Variants in GDF6 observed in about 807,000 individuals in gnomAD.
The protein encoded by GDF6 is growth/differentiation factor 6.
A neutral mutation model predicts 32.4 loss-of-function variants in GDF6; 3 were observed. The ratio of observed to expected loss-of-function variants is 0.09; its 90% CI spans 0.04 to 0.24. The LOEUF (loss-of-function observed/expected upper bound fraction) is 0.24. Among genes scored for constraint, GDF6 ranks in the 10% least tolerant of loss-of-function variants. The probability of loss-of-function intolerance (pLI) is 1.00; values close to 1 mark genes in which losing one functional copy is unlikely to be tolerated. For missense variants in GDF6, 589 were observed against 637.9 expected (o/e 0.92, Z 0.83); for synonymous variants, 296 against 295.3 (o/e 1.00, Z -0.03).
chr8:96,155,000 G>C (rs1812635538), intron 1 of GDF6, among the ~76,000 whole-genome samples: 1 of 152,208 alleles, frequency 6.6e-6, no homozygotes, highest in South Asian at 2.1e-4. Flanking sequence ...GAGCTTTCAA[G>C]TCCTGATTCA....
rs368712395 is a variant in GDF6, at chr8:96,160,513, C to T, written c.180G>A (p.Ala60=). 55 of 1,613,034 alleles carry T rather than the reference C, an allele frequency of 3.4e-5. No individual in the cohort carries two copies. The highest frequency in any genetic ancestry group is 4.6e-5 in the Non-Finnish European group (54 of 1,179,592). Residue 60 remains alanine, a synonymous_variant, in exon 1 of 2, where the codon GCG becomes GCA. Transcript: ENST00000287020. ...KMQRAPRDSD[A]GREGQEPQPR... ...GCTGTGGTTCCTGGCCCTCCCGGCC[C>T]GCGTCACTGTCGCGCGGCGCCCGCT...
At position 96,145,502 on chromosome 8, in the gene GDF6, G is replaced by A. The variant is rs375992269; in HGVS notation, c.429C>T (p.Leu143=). ...RGLDDLSHTP[L]RRQKYLFDVS... is the part of the protein sequence containing the mutation. ...CATCAAACAAATACTTCTGTCTCCG[G>A]AGAGGAGTGTGCGAGAGATCGTCTG... The change falls in exon 2 of 2, where the codon CTC becomes CTT. Residue 143 remains leucine (L), a synonymous_variant. Coordinates refer to ENST00000287020, the MANE Select transcript of GDF6 (RefSeq NM_001001557.4). The surrounding 1 kb of genome is among the most constrained non-coding windows in gnomAD (Gnocchi z 5.6). 61 of 1,597,954 alleles carry A rather than the reference G, an allele frequency of 3.8e-5. No individual in the cohort carries two copies. In the African/African-American group the frequency reaches 6.7e-4, roughly 17 times the overall value.
In GDF6 at chr8:96,145,271, G is replaced by A. The variant is rs1157384678; in HGVS notation, c.660C>T (p.Gly220=). 1.2e-5 allele frequency: 19 copies of A among 1,527,472 alleles called. No homozygotes were observed. The highest frequency in any genetic ancestry group is 4.1e-5 in the African/African-American group (3 of 72,466). 94.6% of individuals were successfully genotyped at this position (1,527,472 alleles called of 1,614,324 possible). Reference sequence around the variant, plus strand: ...GCTGCTTCCAGGGCTGGTGGCGCAGGCCCTGCCACACGTCGAAGACTTCCC... The same window carrying A: ...GCTGCTTCCAGGGCTGGTGGCGCAGACCCTGCCACACGTCGAAGACTTCCC... The part of the protein sequence containing the change: ...AGWEVFDVWQ[G]LRHQPWKQLC... Residue 220 remains glycine, a synonymous_variant, in exon 2 of 2, where the codon GGC becomes GGT. Coordinates refer to ENST00000287020, the MANE Select transcript of GDF6 (RefSeq NM_001001557.4). The surrounding 1 kb of genome is among the most constrained non-coding windows in gnomAD (Gnocchi z 5.6).
chr8:96,146,944 C>G (rs973400187), intron 1 of GDF6, among the ~76,000 whole-genome samples: 1 of 152,218 alleles, frequency 6.6e-6, no homozygotes, highest in African/African-American at 2.4e-5. Context: ...GAAGCCAACT[C>G]CACTTCAATG....
intron 1 of GDF6, among the ~76,000 whole-genome samples, chr8:96,150,747 T>G (rs1812554939): frequency 6.6e-6 from 1 of 152,270 alleles, no homozygotes; most frequent in African/African-American, 2.4e-5. Context: ...CCTGCAGCCA[T>G]GCTGCTCTAC....
chr8:96,157,177 A>G (rs2130231624), intron 1 of GDF6, among the ~76,000 whole-genome samples: 1 of 152,262 alleles, frequency 6.6e-6, no homozygotes, highest in East Asian at 1.9e-4. Context: ...GTGTCTGGAG[A>G]GCATACTGAA....
chr8:96,160,501 G>A lies in GDF6; in HGVS notation c.192C>T (p.Gly64=). 1 of 1,612,924 alleles carries A rather than the reference G, an allele frequency of 6.2e-7. No individual in the cohort carries two copies. The highest frequency in any genetic ancestry group is 8.5e-7 in the Non-Finnish European group (1 of 1,179,470). ...APRDSDAGRE[G]QEPQPRPQDE... is the part of the protein sequence containing the mutation. ...CCTGAGGCCGCGGCTGTGGTTCCTG[G>A]CCCTCCCGGCCCGCGTCACTGTCGC... Residue 64 remains glycine (G), a synonymous_variant, in exon 1 of 2, where the codon GGC becomes GGT. Coordinates refer to ENST00000287020, the MANE Select transcript of GDF6 (RefSeq NM_001001557.4).
At chr8:96,156,353 A>C (rs1812660864) in intron 1 of GDF6, among the ~76,000 whole-genome samples, 1 of 149,034 alleles carries the variant, frequency 6.7e-6, no homozygotes, top group African/African-American at 2.5e-5. Flanking sequence ...TGAATCAGTC[A>C]GTCTCTTTCT....
In GDF6 at chr8:96,144,316, T is replaced by C. The variant is rs1419597907; in HGVS notation, c.*247A>G. Reference sequence around the variant, plus strand: ...AAAACAGAACAAAAGAAATCCTCCTTGGCTTGTTTTTCCAGGGTGGCCAGG... The same window carrying C: ...AAAACAGAACAAAAGAAATCCTCCTCGGCTTGTTTTTCCAGGGTGGCCAGG... On this transcript the variant is annotated 3_prime_UTR_variant, in exon 2 of 2. Coordinates refer to ENST00000287020, the MANE Select transcript of GDF6 (RefSeq NM_001001557.4). This position sits in a 1 kb window ranked among gnomAD's most constrained non-coding sequence, Gnocchi z 5.1. The C allele has an allele frequency of 6.5e-6, 3 of 464,312 alleles. No individual in the cohort carries two copies. The highest frequency in any genetic ancestry group is 2.2e-5 in the South Asian group (1 of 45,030). 28.8% of individuals were successfully genotyped at this position (464,312 alleles called of 1,614,324 possible). A position where few individuals can be genotyped will look rare whatever the true frequency, so the allele number is the denominator to read the frequency against.
Position 96,145,001 on chromosome 8 carries a change from C to A in GDF6, c.930G>T (p.Glu310Asp). Residue 310 changes from glutamate to aspartate, a missense_variant, in exon 2 of 2, where the codon GAG (glutamate) becomes GAT (aspartate). Transcript: ENST00000287020. This position sits in a 1 kb window ranked among gnomAD's most constrained non-coding sequence, Gnocchi z 5.6. ...CGCCCGACGGCGGCGGCCACGACCCCTCGGCGCCCGCGCCCGGGCCCGCAG... is the reference window on the plus strand; with the variant it reads ...CGCCCGACGGCGGCGGCCACGACCCATCGGCGCCCGCGCCCGGGCCCGCAG... ...AEAAGPGAGA[E>D]GSWPPPSGAP... is the part of the protein sequence containing the mutation. The A allele has an allele frequency of 7.2e-7, 1 of 1,381,540 alleles. No homozygotes were observed. Among genetic ancestry groups the A allele is most frequent in the Non-Finnish European group, 9.4e-7 (1 of 1,066,518 alleles). 85.6% of individuals were successfully genotyped at this position (1,381,540 alleles called of 1,614,324 possible). A position where few individuals can be genotyped will look rare whatever the true frequency, so the allele number is the denominator to read the frequency against.
rs745721870 is a variant in GDF6 at position 96,145,528 on chromosome 8, C to T, written c.407-4G>A. ...AGAGGAGTGTGCGAGAGATCGTCTG[C>T]GAGATAAAAAATAATTACAGTCAGT... is the stretch of plus-strand genomic sequence containing the variant. On this transcript the variant is annotated splice_region_variant and splice_polypyrimidine_tract_variant and intron_variant, in intron 1 of 1. Coordinates refer to ENST00000287020, the MANE Select transcript of GDF6 (RefSeq NM_001001557.4). This position sits in a 1 kb window ranked among gnomAD's most constrained non-coding sequence, Gnocchi z 5.6. The T allele has an allele frequency of 6.3e-7, 1 of 1,597,772 alleles. No individual in the cohort carries two copies. Among genetic ancestry groups the T allele is most frequent in the South Asian group, 1.1e-5 (1 of 91,012 alleles).
At chr8:96,152,988 GAA>G (rs1018617101) in intron 1 of GDF6, among the ~76,000 whole-genome samples, 31 of 152,164 alleles carry the variant, frequency 2.0e-4, no homozygotes, top group African/African-American at 7.5e-4. Flanking sequence ...AGAGTGGAGA[GAA>G]AGAAAAGAAA....
chr8:96,151,672 A>G (rs1812571024), intron 1 of GDF6, among the ~76,000 whole-genome samples: 2 of 152,246 alleles, frequency 1.3e-5, no homozygotes, highest in African/African-American at 4.8e-5. Context: ...TAGGAGGAAA[A>G]TTAACAGGGC....
intron 1 of GDF6, among the ~76,000 whole-genome samples, chr8:96,157,717 A>T (rs936481074): frequency 6.6e-6 from 1 of 152,154 alleles, no homozygotes; most frequent in Non-Finnish European, 1.5e-5. Flanking sequence ...GGAGCCGGGG[A>T]TGCGCGGCTG....
At chr8:96,153,756 A>G (rs989776131) in intron 1 of GDF6, among the ~76,000 whole-genome samples, 7 of 152,114 alleles carry the variant, frequency 4.6e-5, no homozygotes, top group African/African-American at 1.7e-4. Flanking sequence ...CGAGGGTTCA[A>G]ACTGGCTTGT....
Position 96,144,652 on chromosome 8 carries a change from G to A in GDF6, c.1279C>T (p.Pro427Ser). The A allele has an allele frequency of 6.2e-7, 1 of 1,614,126 alleles. No homozygotes were observed. The highest frequency in any genetic ancestry group is 8.5e-7 in the Non-Finnish European group (1 of 1,180,022). Residue 427 changes from proline to serine, a missense_variant, in exon 2 of 2, where the codon CCC becomes TCC. Pro to Ser is a moderately conservative substitution (Grantham distance 74). Coordinates refer to ENST00000287020, the MANE Select transcript of GDF6 (RefSeq NM_001001557.4). This position sits in a 1 kb window ranked among gnomAD's most constrained non-coding sequence, Gnocchi z 5.1. ...PSCCVPTKLT[P>S]ISILYIDAGN... ...GCGTCGATGTATAGAATGCTGATGG[G>A]AGTCAATTTGGTGGGCACGCAGCAG...
At chr8:96,151,765 G>A (rs1181769853) in intron 1 of GDF6, among the ~76,000 whole-genome samples, 1 of 152,224 alleles carries the variant, frequency 6.6e-6, no homozygotes, top group Non-Finnish European at 1.5e-5. Context: ...TGTGGAATGA[G>A]CATAGGAATT....
At position 96,145,031 on chromosome 8, in the gene GDF6, G is replaced by C. The variant is rs1812448610; in HGVS notation, c.900C>G (p.Ala300=). 2.8e-6 allele frequency: 4 copies of C among 1,435,728 alleles called. No individual in the cohort carries two copies. The highest frequency in any genetic ancestry group is 1.5e-5 in the South Asian group (1 of 68,714). The allele number at this position is 1,435,728 out of a possible 1,614,324, so 88.9% of individuals were successfully genotyped here. Residue 300 remains alanine, a synonymous_variant, in exon 2 of 2, where the codon GCC becomes GCG. Coordinates refer to ENST00000287020, the MANE Select transcript of GDF6 (RefSeq NM_001001557.4). The surrounding 1 kb of genome is among the most constrained non-coding windows in gnomAD (Gnocchi z 5.6). The stretch of plus-strand genomic sequence containing the variant: ...CGCCCGCGCCCGGGCCCGCAGCCTC[G>C]GCCGAGCCCAGCTGCTCGCGCATCT... ...FAEMREQLGS[A]EAAGPGAGAE...
At chr8:96,160,066 G>A (rs1812733976) in intron 1 of GDF6, among the ~76,000 whole-genome samples, 1 of 152,228 alleles carries the variant, frequency 6.6e-6, no homozygotes, top group African/African-American at 2.4e-5. Context: ...AGAAGGGAGA[G>A]AGAAAGAAAG....
Sources: gnomAD v4.1 joint callset for allele counts (sites outside exome capture counted in the v4.1 genomes callset) on GRCh38, gnomAD v4.1.1 for gene constraint, Gnocchi (gnomAD v3.1) non-coding constraint, MANE v1.5 for transcripts, NCBI Gene and HGNC (gene_info 2026-07-23, HGNC 2026-07-21) for gene names.